The following STXBP5L variants were observed in gnomAD, a reference collection of about 807,000 sequenced individuals.
The protein encoded by STXBP5L is syntaxin binding protein 5L.
STXBP5L carries 65 observed loss-of-function variants against 144.5 expected under a neutral mutation model. The ratio of observed to expected loss-of-function variants is 0.45; its 90% CI spans 0.37 to 0.55. STXBP5L has a LOEUF of 0.55. Among genes scored for constraint, STXBP5L ranks in the 20% least tolerant of loss-of-function variants. The pLI, the probability that STXBP5L is intolerant of heterozygous loss-of-function variation, is 0.00. For synonymous variants in STXBP5L, 505 were observed against 469.6 expected (o/e 1.08, Z -0.97); for missense variants, 1,298 against 1,405.5 (o/e 0.92, Z 1.22).
chr3:121,049,638 C>G (rs1225504415), intron 5 of STXBP5L: 1 of 154,244 alleles, frequency 6.5e-6, no homozygotes, highest in African/African-American at 2.4e-5. Context: ...ACTAGTGTCC[C>G]AGGCCCATGG....
intron 9 of STXBP5L, among the ~76,000 whole-genome samples, chr3:121,198,821 T>G (rs1484314771): frequency 6.6e-6 from 1 of 152,224 alleles, no homozygotes; most frequent in Non-Finnish European, 1.5e-5. Flanking sequence ...TTCTGAGGTC[T>G]TTGTTCTGTT....
At chr3:121,324,446 T>A (rs1334322798) in intron 20 of STXBP5L, 2 of 630,966 alleles carry the variant, frequency 3.2e-6, no homozygotes, top group African/African-American at 3.7e-5. Context: ...TTGGTTCACT[T>A]AGGCTAAGGT....
intron 3 of STXBP5L, among the ~76,000 whole-genome samples, chr3:120,985,659 G>A (rs559096130): frequency 6.6e-6 from 1 of 151,832 alleles, no homozygotes; most frequent in Non-Finnish European, 1.5e-5. Context: ...TAGATTTTGT[G>A]TTTCTAGGAA....
intron 18 of STXBP5L, among the ~76,000 whole-genome samples, chr3:121,259,479 T>C (rs1366407566): frequency 6.6e-6 from 1 of 152,062 alleles, no homozygotes; most frequent in African/African-American, 2.4e-5. Context: ...TACTTTCTTT[T>C]GACTTATCCT....
At chr3:120,965,212 A>G (rs1939410805) in intron 3 of STXBP5L, among the ~76,000 whole-genome samples, 1 of 151,986 alleles carries the variant, frequency 6.6e-6, no homozygotes, top group South Asian at 2.1e-4. Context: ...CAGCACACTG[A>G]TGGGTGTTGA....
intron 5 of STXBP5L, among the ~76,000 whole-genome samples, chr3:121,105,410 A>T (rs1381821181): frequency 6.6e-6 from 1 of 152,046 alleles, no homozygotes; most frequent in Non-Finnish European, 1.5e-5. Context: ...AAATAAATAA[A>T]TAAATAAATA....
chr3:120,993,918 C>A (rs1427547924), intron 3 of STXBP5L, among the ~76,000 whole-genome samples: 8 of 151,936 alleles, frequency 5.3e-5, no homozygotes, highest in Admixed American at 5.3e-4. Flanking sequence ...AATAATTCTT[C>A]CAATTCATGA....
At chr3:121,171,218 TAAG>T (rs748838347) in intron 9 of STXBP5L, among the ~76,000 whole-genome samples, 2 of 152,128 alleles carry the variant, frequency 1.3e-5, no homozygotes, top group Non-Finnish European at 2.9e-5. Context: ...CTTACAATAA[TAAG>T]AGCTATTTAT....
At chr3:121,119,929 A>G (rs2044386177) in intron 6 of STXBP5L, among the ~76,000 whole-genome samples, 2 of 151,334 alleles carry the variant, frequency 1.3e-5, no homozygotes, top group Non-Finnish European at 3.0e-5. Flanking sequence ...CTATAGTTTA[A>G]GGATCTAAAC....
chr3:120,967,787 T>G (rs747253086), intron 3 of STXBP5L, among the ~76,000 whole-genome samples: 28 of 152,156 alleles, frequency 1.8e-4, no homozygotes, highest in Non-Finnish European at 3.8e-4. Context: ...TTCATAGGTT[T>G]TAGTATGTTG....
intron 7 of STXBP5L, among the ~76,000 whole-genome samples, chr3:121,122,785 G>A (rs1243023987): frequency 6.6e-6 from 1 of 151,388 alleles, no homozygotes; most frequent in Non-Finnish European, 1.5e-5. Flanking sequence ...AGTTACTGTG[G>A]AGTAGGGACA....
chr3:121,402,199 A>T (rs1333889683), intron 22 of STXBP5L, among the ~76,000 whole-genome samples: 1 of 152,192 alleles, frequency 6.6e-6, no homozygotes, highest in Non-Finnish European at 1.5e-5. Context: ...AGCACATGAC[A>T]TGTCCAGATA....
At chr3:120,944,951 G>A (rs2107664712) in intron 2 of STXBP5L, among the ~76,000 whole-genome samples, 1 of 151,906 alleles carries the variant, frequency 6.6e-6, no homozygotes, top group East Asian at 1.9e-4. Flanking sequence ...AAATGATTTG[G>A]CTGTTATTGA....
intron 2 of STXBP5L, among the ~76,000 whole-genome samples, chr3:120,910,330 T>C (rs1559865143): frequency 1.3e-5 from 2 of 152,244 alleles, no homozygotes; most frequent in East Asian, 3.8e-4. Flanking sequence ...GCGGGTGTTC[T>C]GGTTTAGTAA....
intron 5 of STXBP5L, among the ~76,000 whole-genome samples, chr3:121,110,350 T>TTTTG (rs372055702): frequency 6.6e-6 from 1 of 152,190 alleles, no homozygotes; most frequent in Non-Finnish European, 1.5e-5. Flanking sequence ...GGTAACAGTT[T>TTTTG]TTTGTTTGTT....
chr3:121,078,562 C>G (rs1057441119), intron 5 of STXBP5L, among the ~76,000 whole-genome samples: 5 of 152,242 alleles, frequency 3.3e-5, no homozygotes, highest in African/African-American at 7.2e-5. Flanking sequence ...GTCGATGGGA[C>G]TGGGCACCAT....
rs180696920 is a variant in STXBP5L at position 121,395,253 on chromosome 3, C to T, written c.2588-11990C>T. 4.3e-3 allele frequency among the ~76,000 whole-genome samples: 655 copies of T among 151,928 alleles called. 2 individuals carry two copies. Among genetic ancestry groups the T allele is most frequent in the African/African-American group, 0.014 (600 of 41,444 alleles). On this transcript the variant is annotated intron_variant, in intron 22 of 26. Transcript: ENST00000471454. ...ACATCTTTTTTCAGGCTAAACCAAA[C>T]GGAAAACAAAACAAAACTCTTCTAT...
At chr3:121,386,230 C>A (rs186517810) in intron 22 of STXBP5L, among the ~76,000 whole-genome samples, 2 of 152,102 alleles carry the variant, frequency 1.3e-5, no homozygotes, top group Non-Finnish European at 2.9e-5. Context: ...TATTTAGCAC[C>A]TTTTGGAGTT....
intron 3 of STXBP5L, among the ~76,000 whole-genome samples, chr3:120,999,591 G>T (rs1012602713): frequency 2.0e-5 from 3 of 151,644 alleles, no homozygotes; most frequent in Non-Finnish European, 4.4e-5. Context: ...ATATTGACAT[G>T]TGCCAATTTG....
Sources: gnomAD v4.1 joint callset for allele counts (sites outside exome capture counted in the v4.1 genomes callset) on GRCh38, gnomAD v4.1.1 for gene constraint, MANE v1.5 for transcripts, NCBI Gene and HGNC (gene_info 2026-07-23, HGNC 2026-07-21) for gene names.